TMEM232: variants seen among roughly 807,000 people sequenced by gnomAD.
The protein encoded by TMEM232 is transmembrane protein 232.
TMEM232 carries 80 observed loss-of-function variants against 78.8 expected under a neutral mutation model. That is an observed-to-expected ratio of 1.01 (90% CI 0.85 to 1.22). The LOEUF (loss-of-function observed/expected upper bound fraction) is 1.22, where lower values mean the gene tolerates loss of function less well. TMEM232 is among the 50% of genes most tolerant of loss of function. TMEM232 has a pLI of 0.00. For synonymous variants in TMEM232, 297 were observed against 254.3 expected, an observed-to-expected ratio of 1.17 and a Z score of -1.60; for missense variants, 881 against 742.2, an observed-to-expected ratio of 1.19 and a Z score of -2.17.
chr5:110,593,643 G>A (rs1234617020), intron 10 of TMEM232, among the ~76,000 whole-genome samples: 1 of 152,126 alleles, frequency 6.6e-6, no homozygotes, highest in African/African-American at 2.4e-5. Flanking sequence ...TGGAGATACA[G>A]AGTAGAATGA....
chr5:110,715,767 C>A (rs1185022216), intron 1 of TMEM232, among the ~76,000 whole-genome samples: 1 of 151,718 alleles, frequency 6.6e-6, no homozygotes, highest in Non-Finnish European at 1.5e-5. Flanking sequence ...TATACCTCCT[C>A]CCTTTTGGAA....
Position 110,424,808 on chromosome 5 carries a change from A to G in TMEM232, c.1797+15T>C. ...ACAAAGCTTTTGCTGCTAGTTAAAA[A>G]AAAATCAATCTTACGTGATGGTCAA... On this transcript the variant is annotated intron_variant, in intron 13 of 13. Transcript: ENST00000455884. 1 of 1,539,840 alleles carries G rather than the reference A, an allele frequency of 6.5e-7. No individual in the cohort carries two copies. Among genetic ancestry groups the G allele is most frequent in the Non-Finnish European group, 8.8e-7 (1 of 1,139,900 alleles).
intron 10 of TMEM232, among the ~76,000 whole-genome samples, chr5:110,575,768 T>C (rs1259250017): frequency 1.3e-5 from 2 of 152,008 alleles, no homozygotes; most frequent in Non-Finnish European, 1.5e-5. Context: ...TGGGAAACCA[T>C]GCTTCTCCCA....
At chr5:110,736,401 G>A (rs1034007859) in intron 1 of TMEM232, among the ~76,000 whole-genome samples, 1 of 151,934 alleles carries the variant, frequency 6.6e-6, no homozygotes, top group Admixed American at 6.6e-5. Context: ...AGTTTTTAGA[G>A]CAATTAAATA....
At chr5:110,699,051 CAAACA>C (rs139878818) in intron 1 of TMEM232, among the ~76,000 whole-genome samples, 1,753 of 150,014 alleles carry the variant, frequency 0.012, 13 homozygotes, top group South Asian at 0.015. Flanking sequence ...AGGACAAAAA[CAAACA>C]AAACAAAACA....
At chr5:110,692,509 TCA>T (rs1794252964) in intron 1 of TMEM232, among the ~76,000 whole-genome samples, 1 of 152,144 alleles carries the variant, frequency 6.6e-6, no homozygotes, top group South Asian at 2.1e-4. Context: ...AGACATCGCC[TCA>T]CACAGGAAGC....
At chr5:110,611,216 C>T (rs560999607) in intron 8 of TMEM232, among the ~76,000 whole-genome samples, 259 of 152,140 alleles carry the variant, frequency 1.7e-3, no homozygotes, top group African/African-American at 5.8e-3. Context: ...AAATTTGTCT[C>T]AGTTGTTACT....
intron 2 of TMEM232, among the ~76,000 whole-genome samples, chr5:110,651,682 C>G (rs779946450): frequency 2.0e-5 from 3 of 151,888 alleles, no homozygotes; most frequent in Non-Finnish European, 4.4e-5. Context: ...GTTCAGAGAA[C>G]AAGGGGGTGA....
At chr5:110,689,817 A>T (rs1458961143) in intron 1 of TMEM232, among the ~76,000 whole-genome samples, 2 of 152,144 alleles carry the variant, frequency 1.3e-5, no homozygotes, top group African/African-American at 4.8e-5. Context: ...AATAGAGGCC[A>T]CAGAAATAAT....
chr5:110,699,817 T>C lies in TMEM232; in HGVS notation c.-13+26810A>G, dbSNP rs138031986. On this transcript the variant is annotated intron_variant, in intron 1 of 13. Coordinates refer to ENST00000455884, the MANE Select transcript of TMEM232 (RefSeq NM_001039763.4). ...CCTCTGAGGTTTTAGCAGCACTCTT[T>C]AGAGAAAAAACTAAACCAAGTGGGG... Among the ~76,000 whole-genome samples, 313 of 152,126 alleles carry C rather than the reference T, an allele frequency of 2.1e-3. 2 individuals carry two copies. The highest frequency in any genetic ancestry group is 7.1e-3 in the African/African-American group (296 of 41,530).
chr5:110,579,783 CAT>C (rs1777971134), intron 10 of TMEM232, among the ~76,000 whole-genome samples: 2 of 151,384 alleles, frequency 1.3e-5, no homozygotes, highest in African/African-American at 2.4e-5. Flanking sequence ...AAAAATAAAA[CAT>C]GTAACAAAAT....
intron 12 of TMEM232, among the ~76,000 whole-genome samples, chr5:110,490,206 T>C (rs1474850914): frequency 6.7e-6 from 1 of 149,478 alleles, no homozygotes; most frequent in Non-Finnish European, 1.5e-5. Flanking sequence ...TTAATTGTAT[T>C]GCTATACACT....
At chr5:110,500,216 C>T (rs115012120) in intron 12 of TMEM232, among the ~76,000 whole-genome samples, 3,842 of 142,476 alleles carry the variant, frequency 0.027, 124 homozygotes, top group African/African-American at 0.084. Flanking sequence ...CATTTGAACA[C>T]AGGTGGAGGT....
At chr5:110,492,814 T>G (rs1765257527) in intron 12 of TMEM232, among the ~76,000 whole-genome samples, 2 of 151,996 alleles carry the variant, frequency 1.3e-5, no homozygotes, top group African/African-American at 4.8e-5. Context: ...CAAAATATAT[T>G]ATCTTTTATG....
In TMEM232 at chr5:110,638,218, C is replaced by T. The variant is rs771330522; in HGVS notation, c.481G>A (p.Val161Ile). 49 of 1,541,140 alleles carry T rather than the reference C, an allele frequency of 3.2e-5. No individual in the cohort carries two copies. Among genetic ancestry groups the T allele is most frequent in the Middle Eastern group, 3.4e-4 (2 of 5,956 alleles). Residue 161 changes from valine to isoleucine, a missense_variant, in exon 5 of 14, where the codon GTT (valine) becomes ATT (isoleucine). Val to Ile is a conservative substitution (Grantham distance 29). Transcript: ENST00000455884. ...DASLKTYLYSVEIKLAKIGYL... is the reference protein window; with the variant it reads ...DASLKTYLYSIEIKLAKIGYL... ...CATACCTTTGCTAGCTTTATTTCAA[C>T]TGAATATAAATATGTTTTGAGGGAT...
chr5:110,393,543 T>C (rs1755280183), intron 3 of TMEM232, among the ~76,000 whole-genome samples: 1 of 152,194 alleles, frequency 6.6e-6, no homozygotes, highest in South Asian at 2.1e-4. Context: ...TGACTAACTA[T>C]AGATAGCATA....
intron 4 of TMEM232, 140 bp from the exon 5 acceptor site, chr5:110,638,495 A>G (rs1786211478): frequency 2.4e-6 from 2 of 822,742 alleles, no homozygotes; most frequent in East Asian, 5.5e-5. Flanking sequence ...TCTCTTTGAC[A>G]CCTTTCTCAT....
At chr5:110,626,060 T>C (rs923990040) in intron 6 of TMEM232, among the ~76,000 whole-genome samples, 2 of 151,928 alleles carry the variant, frequency 1.3e-5, no homozygotes, top group East Asian at 3.9e-4. Context: ...TGTGGAGAGG[T>C]AGCAGCCGCT....
chr5:110,735,708 A>C (rs892114192), intron 1 of TMEM232, among the ~76,000 whole-genome samples: 1 of 152,194 alleles, frequency 6.6e-6, no homozygotes, highest in East Asian at 1.9e-4. Flanking sequence ...CATAAACGAC[A>C]TTGTGTTTCC....
Sources: gnomAD v4.1 joint callset for allele counts (sites outside exome capture counted in the v4.1 genomes callset) on GRCh38, gnomAD v4.1.1 for gene constraint, MANE v1.5 for transcripts, NCBI Gene and HGNC (gene_info 2026-07-23, HGNC 2026-07-21) for gene names.